Variants in MPZL2 observed in about 807,000 individuals in gnomAD.
MPZL2 encodes the protein myelin protein zero like 2.
A neutral mutation model predicts 24.5 loss-of-function variants in MPZL2; 32 were observed. The ratio of observed to expected loss-of-function variants is 1.31; its 90% confidence interval spans 0.99 to 1.76. The LOEUF is 1.76. Among genes scored for constraint, MPZL2 ranks in the 40% most tolerant of loss-of-function variants. The probability of loss-of-function intolerance (pLI) is 0.00; values close to 1 mark genes in which losing one functional copy is unlikely to be tolerated. For synonymous variants in MPZL2, 92 were observed against 97.9 expected (o/e 0.94, Z 0.36); for missense variants, 304 against 274.9 (o/e 1.11, Z -0.75).
chr11:118,256,287 T>C (rs1185493019), intron 5 of MPZL2, among the ~76,000 whole-genome samples: 1 of 152,228 alleles, frequency 6.6e-6, no homozygotes, highest in African/African-American at 2.4e-5. Context: ...TAAGTTTGCA[T>C]GTCCGGATTT....
Position 118,253,781 on chromosome 11 carries a change from T to G in MPZL2, c.*1465A>C, listed in dbSNP as rs953203483. On this transcript the variant is annotated 3_prime_UTR_variant, in exon 6 of 6. Transcript: ENST00000278937. ...TAAAATTGCACTTTAAAACTTTGCT[T>G]TTTTAGACAGTATAAAAGGCAGAAT... 2 of 152,536 alleles carry G rather than the reference T, an allele frequency of 1.3e-5. No individual in the cohort carries two copies. Among genetic ancestry groups the G allele is most frequent in the African/African-American group, 4.8e-5 (2 of 41,456 alleles). The allele number at this position is 152,536 out of a possible 1,614,324, so 9.4% of individuals were successfully genotyped here.
chr11:118,257,159 G>T, intron 5 of MPZL2, 79 bp downstream of exon 5: 1 of 1,024,698 alleles, frequency 9.8e-7, no homozygotes, highest in Non-Finnish European at 1.5e-6. Context: ...ATAAAGTGAT[G>T]ATCTGGGAGT....
chr11:118,262,458 C>G lies in MPZL2; in HGVS notation c.416G>C (p.Arg139Pro). 3 of 1,614,018 alleles carry G rather than the reference C, an allele frequency of 1.9e-6. No individual in the cohort carries two copies. Among genetic ancestry groups the G allele is most frequent in the African/African-American group, 2.7e-5 (2 of 75,040 alleles). ...PDVDGVIGEI[R>P]LSVVHTVRFS... The stretch of plus-strand genomic sequence containing the variant: ...CCTACCAGTGTGCACGACGCTGAGC[C>G]GGATCTCCCCTATCACCCCATCAAC... Residue 139 changes from arginine to proline, a missense_variant, in exon 3 of 6, where the codon CGG becomes CCG. Arg to Pro is a moderately radical substitution (Grantham distance 103, BLOSUM62 -2). Coordinates refer to ENST00000278937, the MANE Select transcript of MPZL2 (RefSeq NM_005797.4).
At position 118,255,200 on chromosome 11, in the gene MPZL2, T is replaced by C. The variant is rs950364793; in HGVS notation, c.*46A>G. On this transcript the variant is annotated 3_prime_UTR_variant, in exon 6 of 6. Transcript: ENST00000278937. ...AGTTTCCATTAACTTCAAGAAATACTAGGGTTCTTGTTCTTGGAAATCATC... is the reference window on the plus strand; with the variant it reads ...AGTTTCCATTAACTTCAAGAAATACCAGGGTTCTTGTTCTTGGAAATCATC... The C allele has an allele frequency of 6.6e-6, 1 of 152,146 alleles. No individual in the cohort carries two copies. Among genetic ancestry groups the C allele is most frequent in the Non-Finnish European group, 1.5e-5 (1 of 68,002 alleles). 9.4% of individuals were successfully genotyped at this position (152,146 alleles called of 1,614,324 possible).
intron 5 of MPZL2, 121 bp downstream of exon 5, chr11:118,257,117 C>T: frequency 1.6e-6 from 1 of 640,332 alleles, no homozygotes; most frequent in Non-Finnish European, 2.6e-6. Context: ...GACCCAGCTC[C>T]TCTAATTTCA....
At chr11:118,261,090 T>TTA (rs1208752890) in intron 3 of MPZL2, among the ~76,000 whole-genome samples, 3 of 152,232 alleles carry the variant, frequency 2.0e-5, no homozygotes, top group African/African-American at 7.2e-5. Flanking sequence ...CAAAGAATAA[T>TTA]TATCCACATA....
chr11:118,260,053 C>A lies in MPZL2; in HGVS notation c.584+1G>T, dbSNP rs201782092. ...ACTTTCCCAGAACTGCCCAGCCTTA[C>A]GATTTTATCTCCACCACTTTATGAG... is the stretch of plus-strand genomic sequence containing the variant. On this transcript the variant is annotated splice_donor_variant, in intron 4 of 5. Transcript: ENST00000278937. LOFTEE classifies it high-confidence loss of function. The A allele has an allele frequency of 1.2e-6, 2 of 1,613,806 alleles. No individual in the cohort carries two copies. The highest frequency in any genetic ancestry group is 1.7e-6 in the Non-Finnish European group (2 of 1,179,788).
chr11:118,254,049 C>T lies in MPZL2; in HGVS notation c.*1197G>A, dbSNP rs540738549. The T allele has an allele frequency of 3.9e-5, 6 of 152,572 alleles. No individual in the cohort carries two copies. The highest frequency in any genetic ancestry group is 3.9e-4 in the Admixed American group (6 of 15,306). The allele number at this position is 152,572 out of a possible 1,614,324, so 9.5% of individuals were successfully genotyped here. A position where few individuals can be genotyped will look rare whatever the true frequency, so the allele number is the denominator to read the frequency against. The stretch of plus-strand genomic sequence containing the variant: ...ATGCTTTCTATCCTTTGAACAAATG[C>T]TTCTGTATCTTAAGCTTGTAACTTT... On this transcript the variant is annotated 3_prime_UTR_variant, in exon 6 of 6. Coordinates refer to ENST00000278937, the MANE Select transcript of MPZL2 (RefSeq NM_005797.4).
chr11:118,255,911 G>T (rs1949656703), intron 5 of MPZL2, among the ~76,000 whole-genome samples: 1 of 151,892 alleles, frequency 6.6e-6, no homozygotes, highest in Non-Finnish European at 1.5e-5. Flanking sequence ...ATCCAGTTGG[G>T]GATCACACAT....
intron 1 of MPZL2, chr11:118,263,301 A>T (rs1025807733): frequency 1.3e-5 from 7 of 540,214 alleles, no homozygotes; most frequent in Non-Finnish European, 1.9e-5. Context: ...GTGACAACTA[A>T]ACTACCACAC....
rs770002002 is a variant in MPZL2, at chr11:118,262,487, A to G, written c.387T>C (p.Pro129=). Residue 129 remains proline, a synonymous_variant, in exon 3 of 6, where the codon CCT becomes CCC. Transcript: ENST00000278937. The part of the protein sequence containing the change: ...GTYTCQVKNP[P]DVDGVIGEIR... ...TCTCCCCTATCACCCCATCAACATC[A>G]GGTGGGTTCTTCACCTGGCAGGTGT... 4 of 1,614,126 alleles carry G rather than the reference A, an allele frequency of 2.5e-6. No individual in the cohort carries two copies. Among genetic ancestry groups the G allele is most frequent in the Non-Finnish European group, 3.4e-6 (4 of 1,180,008 alleles).
Position 118,264,154 on chromosome 11 carries a change from G to T in MPZL2, c.-1C>A. ...CACGAGTAGAGCTCTTGCCATACAT[G>T]AGGGAAACCCAGCCTTGGCCCCAGA... On this transcript the variant is annotated 5_prime_UTR_variant, in exon 1 of 6. Transcript: ENST00000278937. 9 of 1,614,082 alleles carry T rather than the reference G, an allele frequency of 5.6e-6. No homozygotes were observed. Among genetic ancestry groups the T allele is most frequent in the African/African-American group, 1.3e-5 (1 of 75,038 alleles).
intron 1 of MPZL2, 33 bp from the exon 2 acceptor site, chr11:118,263,130 C>A (rs1400578172): frequency 1.2e-6 from 2 of 1,603,868 alleles, no homozygotes; most frequent in Non-Finnish European, 1.7e-6. Flanking sequence ...GAAGGGTTAA[C>A]AGGGGATGTA....
chr11:118,261,709 T>C (rs1474173920), intron 3 of MPZL2, among the ~76,000 whole-genome samples: 1 of 152,238 alleles, frequency 6.6e-6, no homozygotes, highest in Non-Finnish European at 1.5e-5. Context: ...CTTTGCTCTT[T>C]GTTGCTTGGC....
In MPZL2 at chr11:118,264,180, G is replaced by C. The variant is rs1565501486; in HGVS notation, c.-27C>G. On this transcript the variant is annotated 5_prime_UTR_variant, in exon 1 of 6. Coordinates refer to ENST00000278937, the MANE Select transcript of MPZL2 (RefSeq NM_005797.4). ...AGGGAAACCCAGCCTTGGCCCCAGA[G>C]ACCGGACGGGGCAGACCGAGGGCTC... is the stretch of plus-strand genomic sequence containing the variant. 6.2e-7 allele frequency: 1 copy of C among 1,612,520 alleles called. No homozygotes were observed. Among genetic ancestry groups the C allele is most frequent in the South Asian group, 1.1e-5 (1 of 91,042 alleles).
chr11:118,258,569 A>G (rs1048892018), intron 4 of MPZL2, among the ~76,000 whole-genome samples: 12 of 152,242 alleles, frequency 7.9e-5, no homozygotes, highest in African/African-American at 2.6e-4. Context: ...CAAAACCCCA[A>G]TGAGATACCA....
At chr11:118,262,743 C>T in intron 2 of MPZL2, 95 bp from the exon 3 acceptor site, 6 of 1,379,538 alleles carry the variant, frequency 4.3e-6, no homozygotes, top group South Asian at 1.2e-5. Flanking sequence ...GCAAACCCAA[C>T]TGTCCTGTCT....
At chr11:118,257,991 C>G (rs1040861794) in intron 4 of MPZL2, among the ~76,000 whole-genome samples, 1 of 151,234 alleles carries the variant, frequency 6.6e-6, no homozygotes, top group Admixed American at 6.6e-5. Context: ...GCCTGGGCAA[C>G]CAGAGTGAAA....
chr11:118,262,451 G>C lies in MPZL2; in HGVS notation c.423C>G (p.Ser141Arg). ...TGCATAACCTACCAGTGTGCACGAC[G>C]CTGAGCCGGATCTCCCCTATCACCC... ...VDGVIGEIRL[S>R]VVHTVRFSEI... Residue 141 changes from serine (S) to arginine (R), a missense_variant, in exon 3 of 6, where the codon AGC becomes AGG. By Grantham distance (110) the Ser-to-Arg change is moderately radical. Coordinates refer to ENST00000278937, the MANE Select transcript of MPZL2 (RefSeq NM_005797.4). 3 of 1,613,780 alleles carry C rather than the reference G, an allele frequency of 1.9e-6. No homozygotes were observed. The highest frequency in any genetic ancestry group is 1.7e-6 in the Non-Finnish European group (2 of 1,180,002).
Sources: allele counts gnomAD v4.1 joint callset (sites outside exome capture counted in the v4.1 genomes callset), GRCh38; gene constraint gnomAD v4.1.1; transcripts MANE v1.5; gene names NCBI Gene and HGNC (gene_info 2026-07-23, HGNC 2026-07-21).